Variants in SINHCAF observed in about 807,000 individuals in gnomAD.
SINHCAF encodes SIN3-HDAC complex associated factor.
In SINHCAF, 3 loss-of-function variants were observed where a neutral mutation model predicts 25.8. The observed-to-expected ratio is 0.12, with a 90% CI of 0.05 to 0.30. The LOEUF (loss-of-function observed/expected upper bound fraction) is 0.30, where lower values mean the gene tolerates loss of function less well. Among genes scored for constraint, SINHCAF ranks in the 10% least tolerant of loss-of-function variants. The probability of loss-of-function intolerance (pLI) is 1.00; values close to 1 mark genes in which losing one functional copy is unlikely to be tolerated. For synonymous variants in SINHCAF, 70 were observed against 85.5 expected (o/e 0.82, Z 1.00); for missense variants, 121 against 262.3 (o/e 0.46, Z 3.72).
intron 3 of SINHCAF, 99 bp from the exon 4 acceptor site, chr12:31,294,030 C>G (rs1244930214): frequency 3.4e-6 from 3 of 872,136 alleles, no homozygotes; most frequent in Non-Finnish European, 5.0e-6. Flanking sequence ...CAGTTTTATA[C>G]TGAAAAGAGG....
At chr12:31,298,711 G>A (rs1229806391) in intron 1 of SINHCAF, among the ~76,000 whole-genome samples, 1 of 152,134 alleles carries the variant, frequency 6.6e-6, no homozygotes, top group African/African-American at 2.4e-5. Context: ...CTATGCATCA[G>A]CCCATACTAC....
At position 31,287,619 on chromosome 12, in the gene SINHCAF, C is replaced by A; in HGVS notation, c.506+15G>T. On this transcript the variant is annotated intron_variant, in intron 5 of 5. Coordinates refer to ENST00000337682, the MANE Select transcript of SINHCAF (RefSeq NM_001135812.2). The stretch of plus-strand genomic sequence containing the variant: ...AGATGGTTTGCTGGTTAGAGAGATA[C>A]TTTGTTTCTTTTACCTTTTCCAGTA... 1.3e-6 allele frequency: 2 copies of A among 1,571,222 alleles called. No individual in the cohort carries two copies. The highest frequency in any genetic ancestry group is 1.2e-5 in the South Asian group (1 of 84,818).
At chr12:31,323,114 AACAT>A (rs1413139931) in intron 1 of SINHCAF, among the ~76,000 whole-genome samples, 1 of 152,108 alleles carries the variant, frequency 6.6e-6, no homozygotes, top group Non-Finnish European at 1.5e-5. Context: ...CAACTCCCTA[AACAT>A]TTGCTTCTTC....
chr12:31,319,639 C>T (rs1412408441), intron 1 of SINHCAF, among the ~76,000 whole-genome samples: 1 of 152,174 alleles, frequency 6.6e-6, no homozygotes, highest in Non-Finnish European at 1.5e-5. Flanking sequence ...ATTCTTTTTA[C>T]TCACCAATCT....
chr12:31,299,055 CT>C (rs1938668672), intron 1 of SINHCAF, among the ~76,000 whole-genome samples: 1 of 150,228 alleles, frequency 6.7e-6, no homozygotes, highest in Admixed American at 6.6e-5. Flanking sequence ...AAAAAAAAAT[CT>C]CAACGTCAAG....
At chr12:31,285,832 AG>A in intron 5 of SINHCAF, among the ~76,000 whole-genome samples, 1 of 152,050 alleles carries the variant, frequency 6.6e-6, no homozygotes, top group Admixed American at 6.5e-5. Flanking sequence ...AAAATTAGCC[AG>A]GCATGGTGGT....
intron 1 of SINHCAF, among the ~76,000 whole-genome samples, chr12:31,318,038 T>C (rs1939557111): frequency 6.6e-6 from 1 of 152,226 alleles, no homozygotes; most frequent in East Asian, 1.9e-4. Flanking sequence ...GTTCCTGTAA[T>C]TGGTAATGCC....
intron 4 of SINHCAF, among the ~76,000 whole-genome samples, chr12:31,288,097 A>AT (rs1938151357): frequency 6.6e-6 from 1 of 152,136 alleles, no homozygotes. Flanking sequence ...AAGGCAAGCC[A>AT]TGGTGGTAGG....
Position 31,325,152 on chromosome 12 carries a change from TACA to T in SINHCAF, c.-21+869_-21+871del, listed in dbSNP as rs1443601241. ...GCCAAGTTGGCTTCCCTGGCCATCT[TACA>T]GCGCGGACGGCCGCCCATAAACGGG... On this transcript the variant is annotated intron_variant, in intron 1 of 5. Transcript: ENST00000337682. The surrounding 1 kb of genome is among the most constrained non-coding windows in gnomAD (Gnocchi z 5.9). 19 of 456,606 alleles carry T rather than the reference TACA, an allele frequency of 4.2e-5. No homozygotes were observed. Among genetic ancestry groups the T allele is most frequent in the Non-Finnish European group, 7.5e-5 (17 of 226,978 alleles). 28.3% of individuals were successfully genotyped at this position (456,606 alleles called of 1,614,324 possible).
At chr12:31,294,324 T>C (rs73076420) in intron 3 of SINHCAF, among the ~76,000 whole-genome samples, 4,046 of 152,302 alleles carry the variant, frequency 0.027, 67 homozygotes, top group South Asian at 0.058. Flanking sequence ...AAAATAGAGC[T>C]ACTTTTGTTA....
chr12:31,306,479 T>C lies in SINHCAF; in HGVS notation c.-20-8255A>G, dbSNP rs887962344. ...TGGGTTTATCATTAGGTCCATACCA[T>C]AGTTCAGTTTGCGGGAAAAGTACCC... On this transcript the variant is annotated intron_variant, in intron 1 of 5. Coordinates refer to ENST00000337682, the MANE Select transcript of SINHCAF (RefSeq NM_001135812.2). Among the ~76,000 whole-genome samples, 7 of 152,176 alleles carry C rather than the reference T, an allele frequency of 4.6e-5. No individual in the cohort carries two copies. In the South Asian group the frequency reaches 6.2e-4, roughly 13 times the overall value.
intron 4 of SINHCAF, among the ~76,000 whole-genome samples, chr12:31,292,453 C>G (rs1464932524): frequency 6.6e-6 from 1 of 151,338 alleles, no homozygotes; most frequent in Non-Finnish European, 1.5e-5. Context: ...GACCCAAGAT[C>G]ACACCACTGT....
Position 31,281,847 on chromosome 12 carries a change from T to C in SINHCAF, c.*865A>G, listed in dbSNP as rs1417706984. On this transcript the variant is annotated 3_prime_UTR_variant, in exon 6 of 6. Coordinates refer to ENST00000337682, the MANE Select transcript of SINHCAF (RefSeq NM_001135812.2). ...GAAGGGAGGCACAGGATGCAACATA[T>C]ATAGTCAAGTTACCTCTCTGTATAT... The C allele has an allele frequency of 2.0e-5, 3 of 152,172 alleles. No homozygotes were observed. Among genetic ancestry groups the C allele is most frequent in the African/African-American group, 7.2e-5 (3 of 41,430 alleles). The allele number at this position is 152,172 out of a possible 1,614,324, so 9.4% of individuals were successfully genotyped here. A position where few individuals can be genotyped will look rare whatever the true frequency, so the allele number is the denominator to read the frequency against.
Position 31,295,350 on chromosome 12 carries a change from C to T in SINHCAF, c.129-17G>A, listed in dbSNP as rs1565493311. ...TCATGCAATCTGATAAGAAAACAAT[C>T]AAACCTTTATCAGTCTCCCTTACCT... is the stretch of plus-strand genomic sequence containing the variant. On this transcript the variant is annotated splice_polypyrimidine_tract_variant and intron_variant, in intron 2 of 5. Transcript: ENST00000337682. The T allele has an allele frequency of 6.5e-7, 1 of 1,535,076 alleles. No homozygotes were observed. The highest frequency in any genetic ancestry group is 1.7e-5 in the Admixed American group (1 of 57,572).
At position 31,325,839 on chromosome 12, in the gene SINHCAF, A is replaced by C. The variant is rs982182823; in HGVS notation, c.-21+185T>G. ...TACACACTAAACACGAGCGTACCAA[A>C]GAACCTGGGGTCTGAAGATCACGAA... is the stretch of plus-strand genomic sequence containing the variant. On this transcript the variant is annotated intron_variant, in intron 1 of 5. Transcript: ENST00000337682. The surrounding 1 kb of genome is among the most constrained non-coding windows in gnomAD (Gnocchi z 5.9). 6.6e-6 allele frequency: 1 copy of C among 152,430 alleles called. No homozygotes were observed. The highest frequency in any genetic ancestry group is 6.5e-5 in the Admixed American group (1 of 15,288). The allele number at this position is 152,430 out of a possible 1,614,324, so 9.4% of individuals were successfully genotyped here.
At chr12:31,317,500 A>T (rs1347566594) in intron 1 of SINHCAF, among the ~76,000 whole-genome samples, 8 of 152,210 alleles carry the variant, frequency 5.3e-5, no homozygotes, top group African/African-American at 1.9e-4. Context: ...TTTTAAAATG[A>T]GACTGTAACT....
rs766981854 is a variant in SINHCAF at position 31,282,451 on chromosome 12, C to T, written c.*261G>A. ...CAGCCTGGCCAACGTGGTGAAACCC[C>T]GTCTCTACTAAAACTAAAAAATTAG... On this transcript the variant is annotated 3_prime_UTR_variant, in exon 6 of 6. Coordinates refer to ENST00000337682, the MANE Select transcript of SINHCAF (RefSeq NM_001135812.2). The T allele has an allele frequency of 4.3e-5, 12 of 280,268 alleles. No individual in the cohort carries two copies. Among genetic ancestry groups the T allele is most frequent in the East Asian group, 2.6e-4 (4 of 15,400 alleles). The allele number at this position is 280,268 out of a possible 1,614,324, so 17.4% of individuals were successfully genotyped here.
At position 31,293,843 on chromosome 12, in the gene SINHCAF, T is replaced by C. The variant is rs1938438079; in HGVS notation, c.317A>G (p.Asn106Ser). The change falls in exon 4 of 6, where the codon AAC becomes AGC. Residue 106 changes from asparagine to serine, a missense_variant. By Grantham distance (46) the Asn-to-Ser change is conservative. Coordinates refer to ENST00000337682, the MANE Select transcript of SINHCAF (RefSeq NM_001135812.2). Reference protein sequence around the residue: ...KTLSGNRIKSNQISKLQKEFK... With the variant: ...KTLSGNRIKSSQISKLQKEFK... The stretch of plus-strand genomic sequence containing the variant: ...TTCCTTCTGCAGTTTACTGATCTGG[T>C]TGCTTTTTATCCTGTTCCCAGATAG... The C allele has an allele frequency of 6.2e-7, 1 of 1,612,610 alleles. No individual in the cohort carries two copies. The highest frequency in any genetic ancestry group is 8.5e-7 in the Non-Finnish European group (1 of 1,179,504).
At chr12:31,308,026 G>A (rs1253626470) in intron 1 of SINHCAF, among the ~76,000 whole-genome samples, 3 of 152,086 alleles carry the variant, frequency 2.0e-5, no homozygotes, top group Non-Finnish European at 4.4e-5. Context: ...TGCAACCTCT[G>A]CCTCCCAAGT....
Sources: gnomAD v4.1 joint callset for allele counts (sites outside exome capture counted in the v4.1 genomes callset) on GRCh38, gnomAD v4.1.1 for gene constraint, Gnocchi (gnomAD v3.1) non-coding constraint, MANE v1.5 for transcripts, NCBI Gene and HGNC (gene_info 2026-07-23, HGNC 2026-07-21) for gene names.